The following DLG1 variants were observed in gnomAD, a reference collection of about 807,000 sequenced individuals.
DLG1 encodes the protein discs large MAGUK scaffold protein 1.
DLG1 carries 42 observed loss-of-function variants against 123.4 expected under a neutral mutation model. That is an observed-to-expected ratio of 0.34 (90% CI 0.27 to 0.44). The LOEUF (loss-of-function observed/expected upper bound fraction) is 0.44, where lower values mean the gene tolerates loss of function less well. Ranked by LOEUF, DLG1 falls within the 20% of genes least tolerant of loss-of-function variation. The pLI is 1.00. For synonymous variants in DLG1, 317 were observed against 356.2 expected, an observed-to-expected ratio of 0.89 and a Z score of 1.24; for missense variants, 942 against 1,082.6, an observed-to-expected ratio of 0.87 and a Z score of 1.82.
intron 5 of DLG1, among the ~76,000 whole-genome samples, chr3:197,156,699 T>A (rs1479235450): frequency 6.6e-6 from 1 of 152,064 alleles, no homozygotes; most frequent in East Asian, 1.9e-4. Context: ...AAAAAGGTTA[T>A]GAGACAACAA....
At chr3:197,063,882 A>G (rs1289761514) in intron 22 of DLG1, among the ~76,000 whole-genome samples, 9 of 151,762 alleles carry the variant, frequency 5.9e-5, no homozygotes, top group African/African-American at 2.2e-4. Context: ...TTCTCCCTGA[A>G]TCTGATAGGG....
At chr3:197,252,789 T>C (rs1755081392) in intron 4 of DLG1, among the ~76,000 whole-genome samples, 1 of 152,214 alleles carries the variant, frequency 6.6e-6, no homozygotes. Context: ...TGAATAGTGG[T>C]AGTGGCTGCA....
At chr3:197,184,071 C>CTCATGATTATTTT in intron 5 of DLG1, 1 of 1,234,100 alleles carries the variant, frequency 8.1e-7, no homozygotes, top group Non-Finnish European at 1.0e-6. Flanking sequence ...GGATTTCTTT[C>CTCATGATTATTTT]TCATGATTAT....
At chr3:197,194,342 G>T in intron 5 of DLG1, 83 bp downstream of exon 5, 1 of 962,206 alleles carries the variant, frequency 1.0e-6, no homozygotes, top group Non-Finnish European at 1.4e-6. Flanking sequence ...CTACATGAAA[G>T]AATACTTCTC....
chr3:197,288,362 C>CAAAAAA (rs1290725400), intron 3 of DLG1, among the ~76,000 whole-genome samples: 32 of 44,940 alleles, frequency 7.1e-4, no homozygotes, highest in East Asian at 3.5e-3. Flanking sequence ...GACTCCGTCT[C>CAAAAAA]AAAAAAAAAA....
At chr3:197,244,751 G>A (rs926621367) in intron 4 of DLG1, among the ~76,000 whole-genome samples, 1 of 151,848 alleles carries the variant, frequency 6.6e-6, no homozygotes, top group Admixed American at 6.6e-5. Flanking sequence ...CACGAGATAG[G>A]GTCCTTCCCA....
At chr3:197,045,998 A>G (rs1722773378) in intron 24 of DLG1, among the ~76,000 whole-genome samples, 1 of 152,224 alleles carries the variant, frequency 6.6e-6, no homozygotes, top group African/African-American at 2.4e-5. Context: ...ATAGCTAGGA[A>G]CGCCTGAATA....
chr3:197,215,004 TAAATG>T (rs1733363903), intron 4 of DLG1, among the ~76,000 whole-genome samples: 1 of 152,168 alleles, frequency 6.6e-6, no homozygotes, highest in Non-Finnish European at 1.5e-5. Context: ...GGTAAAAACA[TAAATG>T]AAAGTAACTT....
chr3:197,179,196 G>A (rs1808755180), intron 5 of DLG1, among the ~76,000 whole-genome samples: 1 of 152,158 alleles, frequency 6.6e-6, no homozygotes, highest in African/African-American at 2.4e-5. Context: ...ACTTTCTGTG[G>A]TGACAGGCTA....
rs145335881 is a variant in DLG1 at position 197,146,601 on chromosome 3, A to G, written c.537+3142T>C. 3.0e-4 allele frequency among the ~76,000 whole-genome samples: 46 copies of G among 152,336 alleles called. No individual in the cohort carries two copies. The East Asian group carries it at 7.7e-3, about 26-fold the overall frequency. On this transcript the variant is annotated intron_variant, in intron 6 of 24. Transcript: ENST00000667157. ...CTGGGATAATTGGCTAGCCACATGT[A>G]GAAAATGAAACTGGATCCTCATCTC... is the stretch of plus-strand genomic sequence containing the variant.
chr3:197,163,414 A>C (rs1277219432), intron 5 of DLG1, among the ~76,000 whole-genome samples: 1 of 152,184 alleles, frequency 6.6e-6, no homozygotes, highest in Non-Finnish European at 1.5e-5. Context: ...CTTGTATGCC[A>C]ATGTTCAATG....
chr3:197,219,552 T>A (rs1400692479), intron 4 of DLG1, among the ~76,000 whole-genome samples: 1 of 152,126 alleles, frequency 6.6e-6, no homozygotes, highest in African/African-American at 2.4e-5. Context: ...CTGAATTATG[T>A]CCCCCGCCCT....
At chr3:197,277,651 A>G (rs2151104972) in intron 4 of DLG1, among the ~76,000 whole-genome samples, 1 of 151,872 alleles carries the variant, frequency 6.6e-6, no homozygotes, top group African/African-American at 2.4e-5. Context: ...TCATCTTTTT[A>G]AGAGTCATCT....
At chr3:197,093,243 C>T (rs557021872) in intron 14 of DLG1, among the ~76,000 whole-genome samples, 4 of 152,220 alleles carry the variant, frequency 2.6e-5, no homozygotes, top group African/African-American at 7.2e-5. Context: ...ACTGCAACCT[C>T]CGCCTTCTGG....
rs190459618 is a variant in DLG1, at chr3:197,113,570, T to C, written c.1443+2357A>G. 3.2e-3 allele frequency among the ~76,000 whole-genome samples: 493 copies of C among 152,328 alleles called. 3 individuals carry two copies. The highest frequency in any genetic ancestry group is 0.011 in the South Asian group (55 of 4,830). ...TTGTCTCATATTAAGACAGTAGCTT[T>C]AGTATGCTATTTGCATAGTGTACCT... On this transcript the variant is annotated intron_variant, in intron 13 of 24. Transcript: ENST00000667157.
At chr3:197,199,409 C>T (rs1724415995) in intron 4 of DLG1, among the ~76,000 whole-genome samples, 1 of 152,056 alleles carries the variant, frequency 6.6e-6, no homozygotes, top group Non-Finnish European at 1.5e-5. Flanking sequence ...CTGTTTCATG[C>T]ACAAAATTAT....
intron 4 of DLG1, among the ~76,000 whole-genome samples, chr3:197,253,342 C>T (rs1221188307): frequency 1.3e-5 from 2 of 152,116 alleles, no homozygotes; most frequent in African/African-American, 2.4e-5. Flanking sequence ...CATTTGCCAT[C>T]AGGGAAATGT....
intron 4 of DLG1, among the ~76,000 whole-genome samples, chr3:197,269,013 C>T (rs990750400): frequency 1.3e-5 from 2 of 152,156 alleles, no homozygotes; most frequent in African/African-American, 2.4e-5. Context: ...GCTATCGCCA[C>T]CTACGAAAAC....
intron 4 of DLG1, among the ~76,000 whole-genome samples, chr3:197,207,024 G>A (rs575327181): frequency 3.9e-5 from 6 of 152,204 alleles, no homozygotes; most frequent in Admixed American, 1.3e-4. Context: ...GTGGAACACA[G>A]CCACACTCAT....
Sources: gnomAD v4.1 joint callset for allele counts (sites outside exome capture counted in the v4.1 genomes callset) on GRCh38, gnomAD v4.1.1 for gene constraint, MANE v1.5 for transcripts, NCBI Gene and HGNC (gene_info 2026-07-23, HGNC 2026-07-21) for gene names.